HOMER3: variants seen among roughly 807,000 people sequenced by gnomAD.
The protein encoded by HOMER3 is homer protein homolog 3.
Under a neutral mutation model 45.5 loss-of-function variants are expected in HOMER3, and 34 were observed. That is an observed-to-expected ratio of 0.75 (90% confidence interval 0.57 to 1.00). The LOEUF (loss-of-function observed/expected upper bound fraction) is 1.00. Among genes scored for constraint, HOMER3 ranks in the 50% least tolerant of loss-of-function variants. HOMER3 has a pLI of 0.00. For synonymous variants in HOMER3, 223 were observed against 208.8 expected (o/e 1.07, Z -0.58); for missense variants, 480 against 497.5 (o/e 0.96, Z 0.33).
chr19:18,932,487 G>A (rs2057047225), intron 6 of HOMER3, among the ~76,000 whole-genome samples: 1 of 152,112 alleles, frequency 6.6e-6, no homozygotes, highest in Non-Finnish European at 1.5e-5. Context: ...GGGATGTGGC[G>A]ACACTGATTG....
Position 18,933,027 on chromosome 19 carries a change from C to A in HOMER3, c.430G>T (p.Val144Phe). The stretch of plus-strand genomic sequence containing the variant: ...TCCTCGCCGGGGCCGTTGGCACTGA[C>A]GAGAGGGCTCGGGGGCACCTAGGCA... ...ASHQVPPSPL[V>F]SANGPGEEKL... The change falls in exon 6 of 10, where the codon GTC (valine) becomes TTC (phenylalanine). Residue 144 changes from valine (V) to phenylalanine (F), a missense_variant. Physicochemically the swap from Val to Phe is conservative, Grantham distance 50. Coordinates refer to ENST00000392351, the MANE Select transcript of HOMER3 (RefSeq NM_004838.4). 6.7e-7 allele frequency: 1 copy of A among 1,488,378 alleles called. No individual in the cohort carries two copies. Among genetic ancestry groups the A allele is most frequent in the Non-Finnish European group, 8.9e-7 (1 of 1,124,018 alleles). 92.2% of individuals were successfully genotyped at this position (1,488,378 alleles called of 1,614,324 possible).
rs747859517 is a variant in HOMER3, at chr19:18,929,226, G to A, written c.*217C>T. 4 of 764,326 alleles carry A rather than the reference G, an allele frequency of 5.2e-6. No homozygotes were observed. Among genetic ancestry groups the A allele is most frequent in the South Asian group, 2.7e-5 (2 of 73,788 alleles). 47.3% of individuals were successfully genotyped at this position (764,326 alleles called of 1,614,324 possible). On this transcript the variant is annotated 3_prime_UTR_variant, in exon 10 of 10. Transcript: ENST00000392351. ...GCCACGCTTAGAAATGTAATCGGGG[G>A]ATCTAGAAATTCTACACAATGAGAA... is the stretch of plus-strand genomic sequence containing the variant.
chr19:18,929,861 T>C (rs2057011495), intron 9 of HOMER3, among the ~76,000 whole-genome samples: 1 of 152,112 alleles, frequency 6.6e-6, no homozygotes, highest in African/African-American at 2.4e-5. Context: ...TCGCCCAGGC[T>C]GGAGTGCAAT....
chr19:18,938,769 T>A lies in HOMER3; in HGVS notation c.130A>T (p.Thr44Ser). ...CTGATGATGCGGTACACATTGCGGG[T>A]GGCATCGTAGAAATAGGAGACAGTG... ...ALTVSYFYDA[T>S]RNVYRIISIG... The change falls in exon 3 of 10, where the codon ACC (threonine) becomes TCC (serine). Residue 44 changes from threonine (T) to serine (S), a missense_variant. Thr to Ser is a moderately conservative substitution (Grantham distance 58, BLOSUM62 1). Coordinates refer to ENST00000392351, the MANE Select transcript of HOMER3 (RefSeq NM_004838.4). 2 of 1,591,262 alleles carry A rather than the reference T, an allele frequency of 1.3e-6. No homozygotes were observed. Among genetic ancestry groups the A allele is most frequent in the Non-Finnish European group, 1.7e-6 (2 of 1,169,658 alleles).
Position 18,938,720 on chromosome 19 carries a change from A to G in HOMER3, c.171+8T>C, listed in dbSNP as rs1424012277. On this transcript the variant is annotated splice_region_variant and intron_variant, in intron 3 of 9. Transcript: ENST00000392351. ...GGTGCCTCTGCCCCACCCAGACCCC[A>G]CCCTGACCTTGGCGCCTCCGATGCT... The G allele has an allele frequency of 3.0e-6, 3 of 1,008,440 alleles. No individual in the cohort carries two copies. The highest frequency in any genetic ancestry group is 1.3e-5 in the South Asian group (1 of 74,732). 62.5% of individuals were successfully genotyped at this position (1,008,440 alleles called of 1,614,324 possible). A position where few individuals can be genotyped will look rare whatever the true frequency, so the allele number is the denominator to read the frequency against.
chr19:18,929,637 G>T lies in HOMER3; in HGVS notation c.895-3C>A. ...TCCGCATTGCGGGTCTCCAGGTCCTGCCAGGAAAGGGTGGGCAGGGTTGGG... is the reference window on the plus strand; with the variant it reads ...TCCGCATTGCGGGTCTCCAGGTCCTTCCAGGAAAGGGTGGGCAGGGTTGGG... On this transcript the variant is annotated splice_region_variant and splice_polypyrimidine_tract_variant and intron_variant, in intron 9 of 9. Transcript: ENST00000392351. 6.6e-7 allele frequency: 1 copy of T among 1,505,688 alleles called. No homozygotes were observed. Among genetic ancestry groups the T allele is most frequent in the African/African-American group, 1.4e-5 (1 of 72,044 alleles). The allele number at this position is 1,505,688 out of a possible 1,614,324, so 93.3% of individuals were successfully genotyped here. A position where few individuals can be genotyped will look rare whatever the true frequency, so the allele number is the denominator to read the frequency against.
chr19:18,932,508 G>A (rs1303702091), intron 6 of HOMER3, among the ~76,000 whole-genome samples: 2 of 152,120 alleles, frequency 1.3e-5, no homozygotes, highest in African/African-American at 4.8e-5. Flanking sequence ...CTGAGCTTGG[G>A]GATGGGGCAG....
intron 5 of HOMER3, 69 bp from the exon 6 acceptor site, chr19:18,933,114 C>A: frequency 7.1e-7 from 1 of 1,402,270 alleles, no homozygotes; most frequent in South Asian, 1.8e-5. Flanking sequence ...TGACTGGGGT[C>A]GTCACATCGG....
intron 9 of HOMER3, among the ~76,000 whole-genome samples, chr19:18,930,507 G>C (rs1304051663): frequency 1.3e-5 from 2 of 151,682 alleles, no homozygotes; most frequent in African/African-American, 4.8e-5. Flanking sequence ...ACTCCAGCCT[G>C]GGCAACAGAG....
At chr19:18,936,814 C>T (rs1163132754) in intron 4 of HOMER3, among the ~76,000 whole-genome samples, 1 of 150,946 alleles carries the variant, frequency 6.6e-6, no homozygotes, top group Admixed American at 6.6e-5. Context: ...ACGGTGAAAC[C>T]CCCGTCTCTA....
Position 18,938,881 on chromosome 19 carries a change from C to T in HOMER3, c.18G>A (p.Glu6=), listed in dbSNP as rs748728371. 6.2e-7 allele frequency: 1 copy of T among 1,604,524 alleles called. No homozygotes were observed. Among genetic ancestry groups the T allele is most frequent in the African/African-American group, 1.3e-5 (1 of 74,908 alleles). Residue 6 remains glutamate (E), a synonymous_variant, in exon 3 of 10, where the codon GAG becomes GAA. Coordinates refer to ENST00000392351, the MANE Select transcript of HOMER3 (RefSeq NM_004838.4). MSTAR[E]QPIFSTRAHV... is the part of the protein sequence containing the mutation. ...GCGCCCGTGTGCTGAAGATTGGCTGCTCCCTGCGTGGGGAGAGGGTGTTTG... is the reference window on the plus strand; with the variant it reads ...GCGCCCGTGTGCTGAAGATTGGCTGTTCCCTGCGTGGGGAGAGGGTGTTTG...
intron 4 of HOMER3, 66 bp downstream of exon 4, chr19:18,938,287 G>A: frequency 6.5e-7 from 1 of 1,532,588 alleles, no homozygotes; most frequent in Non-Finnish European, 8.9e-7. Flanking sequence ...ATCCCAGAGT[G>A]AGCCCAGGAG....
intron 4 of HOMER3, among the ~76,000 whole-genome samples, chr19:18,936,080 CCGAGGCA>C (rs2057089322): frequency 6.7e-6 from 1 of 149,324 alleles, no homozygotes; most frequent in African/African-American, 2.5e-5. Context: ...CTTTGGGAGG[CCGAGGCA>C]GGTGGATCAT....
chr19:18,938,295 GAGA>G, intron 4 of HOMER3, 55 bp downstream of exon 4: 1 of 1,551,812 alleles, frequency 6.4e-7, no homozygotes, highest in Admixed American at 1.8e-5. Context: ...GTGAGCCCAG[GAGA>G]AGACTTGGGC....
rs748865125 is a variant in HOMER3 at position 18,929,296 on chromosome 19, GGCCCACCCCA to G, written c.*137_*146del. 4.6e-5 allele frequency: 40 copies of G among 878,008 alleles called. No homozygotes were observed. Among genetic ancestry groups the G allele is most frequent in the Non-Finnish European group, 7.3e-5 (38 of 522,070 alleles). 54.4% of individuals were successfully genotyped at this position (878,008 alleles called of 1,614,324 possible). ...GCTGCCAACAACCAGAGCCGACTGG[GGCCCACCCCA>G]GCCCAGCCCGGCCCGGCCCACCCAG... is the stretch of plus-strand genomic sequence containing the variant. On this transcript the variant is annotated 3_prime_UTR_variant, in exon 10 of 10. Coordinates refer to ENST00000392351, the MANE Select transcript of HOMER3 (RefSeq NM_004838.4).
rs543820394 is a variant in HOMER3, at chr19:18,938,339, C to T, written c.303+14G>A. 5.0e-6 allele frequency: 8 copies of T among 1,597,470 alleles called. No individual in the cohort carries two copies. Among genetic ancestry groups the T allele is most frequent in the South Asian group, 1.1e-5 (1 of 90,554 alleles). On this transcript the variant is annotated intron_variant, in intron 4 of 9. Transcript: ENST00000392351. ...CTCATCGGTTCCCTCCACTCTCCCC[C>T]TCACCCGGCCCACCTGTGTCAGATG...
At chr19:18,936,437 G>A (rs189093878) in intron 4 of HOMER3, among the ~76,000 whole-genome samples, 46 of 142,192 alleles carry the variant, frequency 3.2e-4, no homozygotes, top group South Asian at 4.4e-4. Flanking sequence ...AGGAGTTTGA[G>A]ACCAGCCTGG....
rs1329904689 is a variant in HOMER3 at position 18,938,858 on chromosome 19, G to A, written c.41C>T (p.Ala14Val). Residue 14 changes from alanine (A) to valine (V), a missense_variant, in exon 3 of 10, where the codon GCG (alanine) becomes GTG (valine). Physicochemically the swap from Ala to Val is moderately conservative, Grantham distance 64 (BLOSUM62 0). Coordinates refer to ENST00000392351, the MANE Select transcript of HOMER3 (RefSeq NM_004838.4). ...AREQPIFSTRAHVFQIDPATK... is the reference protein window; with the variant it reads ...AREQPIFSTRVHVFQIDPATK... ...GGCTGGGTCAATTTGGAACACGTGC[G>A]CCCGTGTGCTGAAGATTGGCTGCTC... is the stretch of plus-strand genomic sequence containing the variant. The A allele has an allele frequency of 1.2e-6, 2 of 1,603,010 alleles. No homozygotes were observed. The highest frequency in any genetic ancestry group is 1.3e-5 in the African/African-American group (1 of 74,876).
At position 18,937,308 on chromosome 19, in the gene HOMER3, TA is replaced by T. The variant is rs535744160; in HGVS notation, c.303+1044del. Among the ~76,000 whole-genome samples the T allele has an allele frequency of 4.3e-3, 355 of 82,288 alleles. 2 individuals are homozygous for T. The highest frequency in any genetic ancestry group is 0.016 in the African/African-American group (285 of 17,768). The allele number at this position is 82,288 out of a possible 152,430, so 54.0% of individuals were successfully genotyped here. A position where few individuals can be genotyped will look rare whatever the true frequency, so the allele number is the denominator to read the frequency against. On this transcript the variant is annotated intron_variant, in intron 4 of 9. Coordinates refer to ENST00000392351, the MANE Select transcript of HOMER3 (RefSeq NM_004838.4). The stretch of plus-strand genomic sequence containing the variant: ...CCTGGACAGCAGAGCAAGATCTTGT[TA>T]AAAAAAAAAAAAAAAAGAAGGGAGG...
Sources: gnomAD v4.1 joint callset for allele counts (sites outside exome capture counted in the v4.1 genomes callset) on GRCh38, gnomAD v4.1.1 for gene constraint, MANE v1.5 for transcripts, NCBI Gene and HGNC (gene_info 2026-07-23, HGNC 2026-07-21) for gene names.